Variants in SMO observed in about 807,000 individuals in gnomAD.
SMO encodes the protein smoothened, frizzled class receptor.
SMO carries 40 observed loss-of-function variants against 81.6 expected under a neutral mutation model. The ratio of observed to expected loss-of-function variants is 0.49; its 90% CI spans 0.38 to 0.64. The LOEUF (loss-of-function observed/expected upper bound fraction) is 0.64. SMO is among the 30% of genes least tolerant of loss of function. The pLI, the probability that SMO is intolerant of heterozygous loss-of-function variation, is 0.00. For missense variants in SMO, 916 were observed against 1,061.1 expected (o/e 0.86, Z 1.90); for synonymous variants, 434 against 432.1 (o/e 1.00, Z -0.05).
rs1279107887 is a variant in SMO at position 129,212,211 on chromosome 7, C to T, written c.2124C>T (p.Pro708=). The T allele has an allele frequency of 6.4e-7, 1 of 1,572,324 alleles. No individual in the cohort carries two copies. The highest frequency in any genetic ancestry group is 1.9e-5 in the Admixed American group (1 of 53,012). Residue 708 remains proline, a synonymous_variant, in exon 12 of 12, where the codon CCC becomes CCT. Coordinates refer to ENST00000249373, the MANE Select transcript of SMO (RefSeq NM_005631.5). This position sits in a 1 kb window ranked among gnomAD's most constrained non-coding sequence, Gnocchi z 5.0. The part of the protein sequence containing the change: ...PSTIPRLPQL[P]RQKCLVAAGA... ...CCATTCCTCGACTGCCTCAGCTGCC[C>T]CGGCAGAAATGCCTGGTGGCTGCAG...
chr7:129,199,823 T>C (rs1255716248), intron 1 of SMO, among the ~76,000 whole-genome samples: 3 of 152,200 alleles, frequency 2.0e-5, no homozygotes, highest in Non-Finnish European at 4.4e-5. Flanking sequence ...AACGAAATAT[T>C]CTTTTTTTAA....
chr7:129,205,156 C>T (rs371076861), intron 2 of SMO, 47 bp from the exon 3 acceptor site: 8 of 1,539,054 alleles, frequency 5.2e-6, no homozygotes, highest in Admixed American at 5.0e-5. Context: ...ACAAGAGGCT[C>T]GTCCCTGAGC....
rs1244579120 is a variant in SMO, at chr7:129,189,611, C to T, written c.331+129C>T. 2.9e-6 allele frequency: 3 copies of T among 1,027,624 alleles called. No individual in the cohort carries two copies. The African/African-American group carries it at 4.9e-5, about 17-fold the overall frequency. The allele number at this position is 1,027,624 out of a possible 1,614,324, so 63.7% of individuals were successfully genotyped here. On this transcript the variant is annotated intron_variant, in intron 1 of 11. Transcript: ENST00000249373. This position sits in a 1 kb window ranked among gnomAD's most constrained non-coding sequence, Gnocchi z 4.7. ...ACAGCACCCGGGAGAGTTGGAGGGA[C>T]AGATCCCGAAACTTTGGGGGCAGGT...
intron 1 of SMO, among the ~76,000 whole-genome samples, chr7:129,203,075 G>T (rs1299680136): frequency 3.9e-5 from 6 of 152,182 alleles, no homozygotes; most frequent in African/African-American, 1.2e-4. Flanking sequence ...CAGCAGCCCA[G>T]AGGTTCCTCT....
Position 129,211,998 on chromosome 7 carries a change from G to C in SMO, c.1937-26G>C, listed in dbSNP as rs1265479313. On this transcript the variant is annotated intron_variant, in intron 11 of 11. Coordinates refer to ENST00000249373, the MANE Select transcript of SMO (RefSeq NM_005631.5). The surrounding 1 kb of genome is among the most constrained non-coding windows in gnomAD (Gnocchi z 4.6). ...GGCATGGACAGAGCCAGGGCCCCAGGCTCGTGTTGTCTCTCCTCCTGTCAG... is the reference window on the plus strand; with the variant it reads ...GGCATGGACAGAGCCAGGGCCCCAGCCTCGTGTTGTCTCTCCTCCTGTCAG... 1 of 1,557,982 alleles carries C rather than the reference G, an allele frequency of 6.4e-7. No individual in the cohort carries two copies. Among genetic ancestry groups the C allele is most frequent in the Admixed American group, 1.8e-5 (1 of 55,428 alleles).
chr7:129,188,939 C>T lies in SMO; in HGVS notation c.-213C>T. The T allele has an allele frequency of 2.8e-6, 1 of 355,284 alleles. No individual in the cohort carries two copies. Among genetic ancestry groups the T allele is most frequent in the African/African-American group, 2.1e-5 (1 of 47,316 alleles). The allele number at this position is 355,284 out of a possible 1,614,324, so 22.0% of individuals were successfully genotyped here. A position where few individuals can be genotyped will look rare whatever the true frequency, so the allele number is the denominator to read the frequency against. ...TCGTGCATCCCGTTCCGGGCCTCCGCAGCCCAACATGGGCCCCGGGTTCCA... is the reference window on the plus strand; with the variant it reads ...TCGTGCATCCCGTTCCGGGCCTCCGTAGCCCAACATGGGCCCCGGGTTCCA... On this transcript the variant is annotated 5_prime_UTR_variant, in exon 1 of 12. Coordinates refer to ENST00000249373, the MANE Select transcript of SMO (RefSeq NM_005631.5). The surrounding 1 kb of genome is among the most constrained non-coding windows in gnomAD (Gnocchi z 4.9).
Position 129,211,770 on chromosome 7 carries a change from G to A in SMO, c.1936G>A (p.Val646Met), listed in dbSNP as rs367857454. 1 of 1,613,928 alleles carries A rather than the reference G, an allele frequency of 6.2e-7. No individual in the cohort carries two copies. The highest frequency in any genetic ancestry group is 8.5e-7 in the Non-Finnish European group (1 of 1,180,000). Residue 646 changes from valine (V) to methionine (M), a missense_variant and splice_region_variant, in exon 11 of 12, where the codon GTG becomes ATG. Transcript: ENST00000249373. The surrounding 1 kb of genome is among the most constrained non-coding windows in gnomAD (Gnocchi z 4.6). Reference sequence around the variant, plus strand: ...TTCTGTCACCCCTGTGGCAACTCCAGGTATGAGAGTTCAAGCTTCTGGAGG... The same window carrying A: ...TTCTGTCACCCCTGTGGCAACTCCAAGTATGAGAGTTCAAGCTTCTGGAGG... ...DISVTPVATP[V>M]PPEEQANLWL...
chr7:129,189,871 G>T lies in SMO; in HGVS notation c.331+389G>T, dbSNP rs1793457757. 6.6e-6 allele frequency among the ~76,000 whole-genome samples: 1 copy of T among 152,142 alleles called. No individual in the cohort carries two copies. The highest frequency in any genetic ancestry group is 2.4e-5 in the African/African-American group (1 of 41,424). On this transcript the variant is annotated intron_variant, in intron 1 of 11. Coordinates refer to ENST00000249373, the MANE Select transcript of SMO (RefSeq NM_005631.5). This position sits in a 1 kb window ranked among gnomAD's most constrained non-coding sequence, Gnocchi z 4.7. ...AGGTGTTGAAGACCCTGGGGAAATTGGAGTTGGAGAGGAAAAGGGGAGGGA... is the reference window on the plus strand; with the variant it reads ...AGGTGTTGAAGACCCTGGGGAAATTTGAGTTGGAGAGGAAAAGGGGAGGGA...
rs573332491 is a variant in SMO at position 129,208,736 on chromosome 7, T to C, written c.1265-23T>C. The C allele has an allele frequency of 1.2e-5, 19 of 1,529,472 alleles. No homozygotes were observed. The African/African-American group carries it at 2.6e-4, about 21-fold the overall frequency. 94.7% of individuals were successfully genotyped at this position (1,529,472 alleles called of 1,614,324 possible). A position where few individuals can be genotyped will look rare whatever the true frequency, so the allele number is the denominator to read the frequency against. Reference sequence around the variant, plus strand: ...CAGGGCAGCCTCACCCCTGCTAATGTCTGAGGTCCCCCTTCTGTTCAGGAG... The same window carrying C: ...CAGGGCAGCCTCACCCCTGCTAATGCCTGAGGTCCCCCTTCTGTTCAGGAG... On this transcript the variant is annotated intron_variant, in intron 6 of 11. Coordinates refer to ENST00000249373, the MANE Select transcript of SMO (RefSeq NM_005631.5). This position sits in a 1 kb window ranked among gnomAD's most constrained non-coding sequence, Gnocchi z 5.2.
intron 1 of SMO, among the ~76,000 whole-genome samples, chr7:129,202,237 A>G (rs1793683569): frequency 6.6e-6 from 1 of 152,168 alleles, no homozygotes; most frequent in South Asian, 2.1e-4. Flanking sequence ...TTTACAGATG[A>G]GGCAACTGAG....
Position 129,211,675 on chromosome 7 carries a change from T to A in SMO, c.1841T>A (p.Val614Asp), listed in dbSNP as rs1793871863. 1 of 1,613,466 alleles carries A rather than the reference T, an allele frequency of 6.2e-7. No individual in the cohort carries two copies. Among genetic ancestry groups the A allele is most frequent in the Non-Finnish European group, 8.5e-7 (1 of 1,179,972 alleles). Residue 614 changes from valine to aspartate, a missense_variant, in exon 11 of 12, where the codon GTC (valine) becomes GAC (aspartate). Coordinates refer to ENST00000249373, the MANE Select transcript of SMO (RefSeq NM_005631.5). This position sits in a 1 kb window ranked among gnomAD's most constrained non-coding sequence, Gnocchi z 4.6. Reference protein sequence around the residue: ...AFDLNEPSADVSSAWAQHVTK... With the variant: ...AFDLNEPSADDSSAWAQHVTK... ...GACCTCAATGAGCCCTCAGCTGATG[T>A]CTCCTCTGCCTGGGCCCAGCATGTC...
rs918883668 is a variant in SMO, at chr7:129,208,838, C to T, written c.1344C>T (p.Thr448=). ...SEKAASKINE[T]MLRLGIFGFL... ...AGGCTGCCAGCAAGATCAACGAGAC[C>T]ATGCTGCGCCTGGGTGAGTGGCCCC... The change falls in exon 7 of 12, where the codon ACC becomes ACT. Residue 448 remains threonine (T), a synonymous_variant. Transcript: ENST00000249373. The surrounding 1 kb of genome is among the most constrained non-coding windows in gnomAD (Gnocchi z 5.2). 1.9e-6 allele frequency: 3 copies of T among 1,613,432 alleles called. No individual in the cohort carries two copies. The highest frequency in any genetic ancestry group is 1.7e-5 in the Admixed American group (1 of 60,000).
chr7:129,205,607 T>C lies in SMO; in HGVS notation c.748-3T>C, dbSNP rs2150648943. The C allele has an allele frequency of 1.2e-6, 2 of 1,613,054 alleles. No homozygotes were observed. ...CACAGAATGGCCCACTTCTCTCTTCTAGGCCACATTCGTGGCTGACTGGCG... is the reference window on the plus strand; with the variant it reads ...CACAGAATGGCCCACTTCTCTCTTCCAGGCCACATTCGTGGCTGACTGGCG... On this transcript the variant is annotated splice_polypyrimidine_tract_variant and splice_region_variant and intron_variant, in intron 3 of 11. Transcript: ENST00000249373.
Position 129,208,615 on chromosome 7 carries a change from G to A in SMO, c.1265-144G>A, listed in dbSNP as rs1793812592. 6 of 604,196 alleles carry A rather than the reference G, an allele frequency of 9.9e-6. No individual in the cohort carries two copies. The highest frequency in any genetic ancestry group is 1.8e-5 in the African/African-American group (1 of 54,392). The allele number at this position is 604,196 out of a possible 1,614,324, so 37.4% of individuals were successfully genotyped here. ...CTGGTCTTCTCACCATTTCTCCAGTGTCTCTAGCTCCCCAGGTTTTCATTT... is the reference window on the plus strand; with the variant it reads ...CTGGTCTTCTCACCATTTCTCCAGTATCTCTAGCTCCCCAGGTTTTCATTT... On this transcript the variant is annotated intron_variant, in intron 6 of 11. Coordinates refer to ENST00000249373, the MANE Select transcript of SMO (RefSeq NM_005631.5). This position sits in a 1 kb window ranked among gnomAD's most constrained non-coding sequence, Gnocchi z 5.2.
At position 129,201,980 on chromosome 7, in the gene SMO, CA is replaced by C. The variant is rs1189496606; in HGVS notation, c.332-1402del. ...ACAGGTGTGAGCCACTGCGCCTGGCCAACTGGTGACTGAATTGAGTCAAGTG... is the reference window on the plus strand; with the variant it reads ...ACAGGTGTGAGCCACTGCGCCTGGCCACTGGTGACTGAATTGAGTCAAGTG... On this transcript the variant is annotated intron_variant, in intron 1 of 11. Transcript: ENST00000249373. 2.6e-5 allele frequency among the ~76,000 whole-genome samples: 4 copies of C among 152,112 alleles called. No homozygotes were observed. The East Asian group carries it at 5.8e-4, about 22-fold the overall frequency.
chr7:129,195,884 G>C (rs148983318), intron 1 of SMO, among the ~76,000 whole-genome samples: 8 of 151,974 alleles, frequency 5.3e-5, no homozygotes, highest in Non-Finnish European at 1.2e-4. Context: ...GGCAGATCAC[G>C]AGGTCAGGAA....
chr7:129,205,076 GC>G, intron 2 of SMO, 126 bp from the exon 3 acceptor site: 1 of 749,200 alleles, frequency 1.3e-6, no homozygotes, highest in Non-Finnish European at 2.3e-6. Flanking sequence ...TGCCAAGCCA[GC>G]CCTGGGATTC....
chr7:129,191,872 T>C (rs1793486696), intron 1 of SMO, among the ~76,000 whole-genome samples: 1 of 152,208 alleles, frequency 6.6e-6, no homozygotes, highest in African/African-American at 2.4e-5. Flanking sequence ...GAATGTTTGC[T>C]GTATGTCACA....
chr7:129,189,166 C>A lies in SMO; in HGVS notation c.15C>A (p.Arg5=). Residue 5 remains arginine (R), a synonymous_variant, in exon 1 of 12, where the codon CGC becomes CGA. Coordinates refer to ENST00000249373, the MANE Select transcript of SMO (RefSeq NM_005631.5). This position sits in a 1 kb window ranked among gnomAD's most constrained non-coding sequence, Gnocchi z 4.7. MAAA[R]PARGPELPLL... Reference sequence around the variant, plus strand: ...CGGGGTTGGCCATGGCCGCTGCCCGCCCAGCGCGGGGGCCGGAGCTCCCGC... The same window carrying A: ...CGGGGTTGGCCATGGCCGCTGCCCGACCAGCGCGGGGGCCGGAGCTCCCGC... 2 of 1,182,872 alleles carry A rather than the reference C, an allele frequency of 1.7e-6. No individual in the cohort carries two copies. The highest frequency in any genetic ancestry group is 2.1e-6 in the Non-Finnish European group (2 of 948,814). 73.3% of individuals were successfully genotyped at this position (1,182,872 alleles called of 1,614,324 possible). A position where few individuals can be genotyped will look rare whatever the true frequency, so the allele number is the denominator to read the frequency against.
Sources: allele counts gnomAD v4.1 joint callset (sites outside exome capture counted in the v4.1 genomes callset), GRCh38; gene constraint gnomAD v4.1.1; non-coding constraint Gnocchi (gnomAD v3.1); transcripts MANE v1.5; gene names NCBI Gene and HGNC (gene_info 2026-07-23, HGNC 2026-07-21).